Variants in RAB28 observed in about 807,000 individuals in gnomAD.
RAB28 encodes ras-related protein Rab-28.
Under a neutral mutation model 31.7 loss-of-function variants are expected in RAB28, and 24 were observed. The ratio of observed to expected loss-of-function variants is 0.76; its 90% CI spans 0.55 to 1.06. The LOEUF is 1.06. Among genes scored for constraint, RAB28 ranks in the 50% least tolerant of loss-of-function variants. The pLI, the probability that RAB28 is intolerant of heterozygous loss-of-function variation, is 0.00. For missense variants in RAB28, 254 were observed against 258.5 expected (o/e 0.98, Z 0.12); for synonymous variants, 100 against 90.4 (o/e 1.11, Z -0.60).
At chr4:13,458,084 G>A (rs1242517948) in intron 4 of RAB28, among the ~76,000 whole-genome samples, 3 of 152,066 alleles carry the variant, frequency 2.0e-5, no homozygotes, top group Non-Finnish European at 4.4e-5. Flanking sequence ...GATTTTCAAT[G>A]AACTGAAAAG....
intron 4 of RAB28, among the ~76,000 whole-genome samples, chr4:13,456,847 G>A (rs1207431561): frequency 6.6e-6 from 1 of 151,966 alleles, no homozygotes; most frequent in East Asian, 1.9e-4. Flanking sequence ...AGTTACTCTG[G>A]ATAGTTAACC....
intron 4 of RAB28, among the ~76,000 whole-genome samples, chr4:13,426,223 A>G (rs1315699814): frequency 6.6e-6 from 1 of 152,148 alleles, no homozygotes; most frequent in Admixed American, 6.6e-5. Flanking sequence ...TAAAGATTCA[A>G]TGCAAAAGCC....
At chr4:13,452,762 G>A (rs1715039748) in intron 4 of RAB28, among the ~76,000 whole-genome samples, 2 of 152,072 alleles carry the variant, frequency 1.3e-5, no homozygotes. Context: ...CAGGTGAAAT[G>A]TTCTGTAAAC....
chr4:13,379,535 G>T (rs559126825), intron 5 of RAB28, among the ~76,000 whole-genome samples: 12 of 152,110 alleles, frequency 7.9e-5, no homozygotes, highest in Admixed American at 7.9e-4. Context: ...GAAAAATGAA[G>T]ACATGAAAAG....
At chr4:13,444,217 C>T (rs938740775) in intron 4 of RAB28, among the ~76,000 whole-genome samples, 1 of 151,866 alleles carries the variant, frequency 6.6e-6, no homozygotes, top group African/African-American at 2.4e-5. Flanking sequence ...TTAGTAGAGA[C>T]GGGGTTTCAC....
At chr4:13,398,212 A>G (rs1477413962) in intron 4 of RAB28, among the ~76,000 whole-genome samples, 2 of 152,152 alleles carry the variant, frequency 1.3e-5, no homozygotes, top group Non-Finnish European at 1.5e-5. Flanking sequence ...ATTTGTGCAT[A>G]TATCATCAAA....
intron 3 of RAB28, among the ~76,000 whole-genome samples, chr4:13,473,212 A>G (rs987662549): frequency 1.3e-5 from 2 of 152,000 alleles, no homozygotes; most frequent in African/African-American, 2.4e-5. Context: ...TTAATATACT[A>G]TATCTCCATC....
chr4:13,422,035 G>A (rs1311960890), intron 4 of RAB28, among the ~76,000 whole-genome samples: 6 of 149,410 alleles, frequency 4.0e-5, no homozygotes, highest in African/African-American at 1.5e-4. Flanking sequence ...AATCTACAAA[G>A]AACTTAAACA....
At chr4:13,429,071 A>AGT (rs755084833) in intron 4 of RAB28, among the ~76,000 whole-genome samples, 3 of 151,658 alleles carry the variant, frequency 2.0e-5, no homozygotes, top group Non-Finnish European at 2.9e-5. Context: ...CAGCCTCCCG[A>AGT]GTAGCTGGGA....
intron 4 of RAB28, among the ~76,000 whole-genome samples, chr4:13,392,704 G>C (rs1729692320): frequency 6.6e-6 from 1 of 152,114 alleles, no homozygotes; most frequent in Admixed American, 6.5e-5. Context: ...CACAAAAAAA[G>C]ATAAGTGTTT....
intron 3 of RAB28, among the ~76,000 whole-genome samples, chr4:13,472,118 C>T (rs924216085): frequency 2.6e-5 from 4 of 151,912 alleles, no homozygotes; most frequent in African/African-American, 7.3e-5. Flanking sequence ...TGTGAGTGTA[C>T]TAAATGACAC....
intron 4 of RAB28, among the ~76,000 whole-genome samples, chr4:13,452,126 T>C (rs889703640): frequency 1.3e-5 from 2 of 151,986 alleles, no homozygotes; most frequent in East Asian, 3.8e-4. Flanking sequence ...TGGTATCTAT[T>C]GTGACATCTT....
intron 4 of RAB28, among the ~76,000 whole-genome samples, chr4:13,406,166 T>C (rs1712071182): frequency 6.6e-6 from 1 of 152,072 alleles, no homozygotes; most frequent in Non-Finnish European, 1.5e-5. Flanking sequence ...CCCACCCCGC[T>C]ACAGGCCCCG....
At chr4:13,452,846 T>C (rs1196252670) in intron 4 of RAB28, among the ~76,000 whole-genome samples, 2 of 152,086 alleles carry the variant, frequency 1.3e-5, no homozygotes, top group African/African-American at 2.4e-5. Context: ...GTTTAGGTTG[T>C]CTGTCCAATG....
At chr4:13,434,797 T>C (rs1214305352) in intron 4 of RAB28, among the ~76,000 whole-genome samples, 4 of 151,828 alleles carry the variant, frequency 2.6e-5, no homozygotes, top group African/African-American at 9.7e-5. Flanking sequence ...GCTGGGCAGA[T>C]CATTTGAGGT....
At chr4:13,410,911 T>C (rs1577185968) in intron 4 of RAB28, among the ~76,000 whole-genome samples, 1 of 151,610 alleles carries the variant, frequency 6.6e-6, no homozygotes, top group African/African-American at 2.4e-5. Context: ...AAAGAAAAAA[T>C]AAAAGAAAGG....
At chr4:13,477,932 G>A (rs1225967371) in intron 2 of RAB28, among the ~76,000 whole-genome samples, 4 of 151,368 alleles carry the variant, frequency 2.6e-5, no homozygotes, top group Non-Finnish European at 5.9e-5. Context: ...TATTTGAGTA[G>A]GTACTTGTTT....
chr4:13,368,751 T>G lies in RAB28; in HGVS notation c.574-101A>C, dbSNP rs142367983. 5,182 of 900,944 alleles carry G rather than the reference T, an allele frequency of 5.8e-3. 47 individuals are homozygous for G. Among genetic ancestry groups the G allele is most frequent in the South Asian group, 0.021 (1,049 of 50,854 alleles). 55.8% of individuals were successfully genotyped at this position (900,944 alleles called of 1,614,324 possible). ...TTTCTGAACTTTGCTGAACTTCTGA[T>G]GATGGACACCATAAATGAAGCAGGA... On this transcript the variant is annotated intron_variant, in intron 6 of 6. Coordinates refer to ENST00000330852, the MANE Select transcript of RAB28 (RefSeq NM_001017979.3).
At chr4:13,456,049 G>A (rs1456688) in intron 4 of RAB28, among the ~76,000 whole-genome samples, 19,092 of 152,184 alleles carry the variant, frequency 0.13, 1,497 homozygotes, top group African/African-American at 0.22. Flanking sequence ...CAGAGAATAA[G>A]ATTAAGATCT....
Sources: gnomAD v4.1 joint callset for allele counts (sites outside exome capture counted in the v4.1 genomes callset) on GRCh38, gnomAD v4.1.1 for gene constraint, MANE v1.5 for transcripts, NCBI Gene and HGNC (gene_info 2026-07-23, HGNC 2026-07-21) for gene names.